Variants in MGAT4C observed in about 807,000 individuals in gnomAD.
The protein encoded by MGAT4C is alpha-1,3-mannosyl-glycoprotein 4-beta-N-acetylglucosaminyltransferase C.
A neutral mutation model predicts 40.1 loss-of-function variants in MGAT4C; 19 were observed. That is an observed-to-expected ratio of 0.47 (90% CI 0.33 to 0.70). The LOEUF (loss-of-function observed/expected upper bound fraction) is 0.70. Among genes scored for constraint, MGAT4C ranks in the 30% least tolerant of loss-of-function variants. The pLI, the probability that MGAT4C is intolerant of heterozygous loss-of-function variation, is 0.02. For synonymous variants in MGAT4C, 181 were observed against 187.1 expected (o/e 0.97, Z 0.27); for missense variants, 491 against 563.2 (o/e 0.87, Z 1.30).
chr12:86,060,505 A>C (rs150121088), intron 1 of MGAT4C, among the ~76,000 whole-genome samples: 1,554 of 152,260 alleles, frequency 0.01, 16 homozygotes, highest in Admixed American at 0.021. Context: ...GGGTCTAATA[A>C]AGTAGAAATA....
At chr12:86,691,321 A>C (rs1365390541) in intron 2 of MGAT4C, among the ~76,000 whole-genome samples, 1 of 152,228 alleles carries the variant, frequency 6.6e-6, no homozygotes, top group Non-Finnish European at 1.5e-5. Flanking sequence ...AAGAGAAATA[A>C]TCTCAGAGTA....
At chr12:86,337,184 C>T (rs1490855982) in intron 3 of MGAT4C, among the ~76,000 whole-genome samples, 1 of 151,894 alleles carries the variant, frequency 6.6e-6, no homozygotes, top group Non-Finnish European at 1.5e-5. Flanking sequence ...TACACATATA[C>T]TATATACTAG....
At chr12:86,791,578 T>C (rs1952022827) in intron 1 of MGAT4C, among the ~76,000 whole-genome samples, 1 of 152,158 alleles carries the variant, frequency 6.6e-6, no homozygotes, top group South Asian at 2.1e-4. Context: ...ATGCCCATTT[T>C]TGACACACAA....
chr12:86,462,377 C>T (rs1957614591), intron 2 of MGAT4C, among the ~76,000 whole-genome samples: 2 of 152,172 alleles, frequency 1.3e-5, no homozygotes, highest in Non-Finnish European at 2.9e-5. Context: ...GAATAAGACA[C>T]AGTTCCTGCC....
At chr12:86,637,823 A>G (rs1043072987) in intron 2 of MGAT4C, among the ~76,000 whole-genome samples, 7 of 151,944 alleles carry the variant, frequency 4.6e-5, no homozygotes, top group African/African-American at 1.7e-4. Flanking sequence ...ATCTACATAC[A>G]TCTTAGTCTG....
At chr12:86,782,156 C>T (rs150514467) in intron 1 of MGAT4C, among the ~76,000 whole-genome samples, 2 of 127,024 alleles carry the variant, frequency 1.6e-5, no homozygotes, top group Admixed American at 9.5e-5. Flanking sequence ...CCACGCCTGG[C>T]TAAATGTTTT....
At chr12:86,360,565 A>G (rs1283007823) in intron 3 of MGAT4C, among the ~76,000 whole-genome samples, 3 of 152,208 alleles carry the variant, frequency 2.0e-5, no homozygotes, top group Admixed American at 2.0e-4. Context: ...TGCAGATTAC[A>G]TGATTGTATA....
chr12:86,417,196 A>G (rs1956735987), intron 3 of MGAT4C, among the ~76,000 whole-genome samples: 1 of 152,100 alleles, frequency 6.6e-6, no homozygotes, highest in Non-Finnish European at 1.5e-5. Context: ...TATGAGATAT[A>G]TGATAAGAAT....
At chr12:86,067,113 G>A (rs570835182) in intron 1 of MGAT4C, among the ~76,000 whole-genome samples, 199 of 152,258 alleles carry the variant, frequency 1.3e-3, no homozygotes, top group Non-Finnish European at 1.1e-3. Flanking sequence ...ATTTGTGGGA[G>A]TGTAAATTAG....
At chr12:86,204,234 G>T (rs531246345) in intron 1 of MGAT4C, among the ~76,000 whole-genome samples, 132 of 151,762 alleles carry the variant, frequency 8.7e-4, no homozygotes, top group Non-Finnish European at 1.2e-3. Flanking sequence ...AATTTTTCTT[G>T]ATGAAATTGT....
chr12:86,551,539 A>C (rs1361336736), intron 2 of MGAT4C, among the ~76,000 whole-genome samples: 4 of 152,164 alleles, frequency 2.6e-5, no homozygotes, highest in African/African-American at 9.7e-5. Flanking sequence ...ACATTGGCCA[A>C]GTAGCCTTGT....
intron 1 of MGAT4C, among the ~76,000 whole-genome samples, chr12:86,087,011 C>T (rs954223124): frequency 6.6e-5 from 10 of 152,062 alleles, no homozygotes; most frequent in African/African-American, 2.4e-4. Context: ...TTTATTGTTT[C>T]TTATGGCTGA....
At chr12:86,698,892 C>T (rs1409956747) in intron 2 of MGAT4C, among the ~76,000 whole-genome samples, 1 of 152,006 alleles carries the variant, frequency 6.6e-6, no homozygotes, top group African/African-American at 2.4e-5. Flanking sequence ...CCACGTGCCT[C>T]AGGGGAGAAA....
intron 2 of MGAT4C, among the ~76,000 whole-genome samples, chr12:86,621,101 T>C (rs780199372): frequency 6.6e-6 from 1 of 151,996 alleles, no homozygotes; most frequent in Non-Finnish European, 1.5e-5. Context: ...TCTACAAAAA[T>C]AAAATTTAAA....
intron 1 of MGAT4C, among the ~76,000 whole-genome samples, chr12:86,813,325 C>T (rs1423646432): frequency 6.6e-6 from 1 of 152,012 alleles, no homozygotes; most frequent in Non-Finnish European, 1.5e-5. Flanking sequence ...ACACTGACGT[C>T]ACATGATATT....
chr12:86,815,909 G>A (rs11104108), intron 1 of MGAT4C, among the ~76,000 whole-genome samples: 62 of 151,886 alleles, frequency 4.1e-4, no homozygotes, highest in African/African-American at 1.3e-3. Flanking sequence ...ATACTCCTTA[G>A]GCGATGGGTG....
At chr12:86,206,848 C>T (rs1950276995) in intron 1 of MGAT4C, among the ~76,000 whole-genome samples, 1 of 152,182 alleles carries the variant, frequency 6.6e-6, no homozygotes, top group East Asian at 1.9e-4. Context: ...AATATATGGT[C>T]AAAGCACAAA....
In MGAT4C at chr12:86,809,487, TA is replaced by T. The variant is rs1344343561; in HGVS notation, c.-262+29178del. Among the ~76,000 whole-genome samples the T allele has an allele frequency of 2.0e-5, 3 of 152,198 alleles. No individual in the cohort carries two copies. The East Asian group carries it at 5.8e-4, about 29-fold the overall frequency. ...GGTTCCCAGAGTATATCCACCATTTTACCTTCCCACCAGCAATATATGATTG... is the reference window on the plus strand; with the variant it reads ...GGTTCCCAGAGTATATCCACCATTTTCCTTCCCACCAGCAATATATGATTG... On this transcript the variant is annotated intron_variant, in intron 1 of 7. Transcript: ENST00000548651.
intron 1 of MGAT4C, among the ~76,000 whole-genome samples, chr12:86,251,466 C>A (rs968383910): frequency 6.6e-6 from 1 of 151,908 alleles, no homozygotes; most frequent in Non-Finnish European, 1.5e-5. Flanking sequence ...TGCACGCAAA[C>A]AAAAAAGAAA....
Sources: gnomAD v4.1 joint callset for allele counts (sites outside exome capture counted in the v4.1 genomes callset) on GRCh38, gnomAD v4.1.1 for gene constraint, MANE v1.5 for transcripts, NCBI Gene and HGNC (gene_info 2026-07-23, HGNC 2026-07-21) for gene names.